The following NPSR1 variants were observed in gnomAD, a reference collection of about 807,000 sequenced individuals.
NPSR1 encodes the protein neuropeptide S receptor 1.
In NPSR1, 48 loss-of-function variants were observed where a neutral mutation model predicts 46.9. That is an observed-to-expected ratio of 1.02 (90% CI 0.81 to 1.30). The LOEUF is 1.30. Among genes scored for constraint, NPSR1 ranks in the 50% most tolerant of loss-of-function variants. The probability of loss-of-function intolerance (pLI) is 0.00; values close to 1 mark genes in which losing one functional copy is unlikely to be tolerated. For missense variants in NPSR1, 450 were observed against 449.5 expected (o/e 1.00, Z -0.01); for synonymous variants, 176 against 168.1 (o/e 1.05, Z -0.36).
At chr7:34,705,342 G>A (rs922959660) in intron 2 of NPSR1, among the ~76,000 whole-genome samples, 4 of 151,308 alleles carry the variant, frequency 2.6e-5, no homozygotes, top group South Asian at 2.1e-4. Context: ...TGGGAGGATC[G>A]CTTGAATCCA....
intron 3 of NPSR1, among the ~76,000 whole-genome samples, chr7:34,803,208 C>G (rs1788509617): frequency 6.6e-6 from 1 of 151,818 alleles, no homozygotes; most frequent in Non-Finnish European, 1.5e-5. Flanking sequence ...CCAGCCATCC[C>G]ATTACTGGGT....
intron 6 of NPSR1, among the ~76,000 whole-genome samples, chr7:34,837,542 G>A (rs961815268): frequency 2.4e-4 from 36 of 152,092 alleles, no homozygotes; most frequent in Admixed American, 5.9e-4. Flanking sequence ...CCCATTTCCC[G>A]TTTGAGAATA....
chr7:34,751,503 A>C, intron 2 of NPSR1: 1 of 1,433,658 alleles, frequency 7.0e-7, no homozygotes, highest in Non-Finnish European at 9.9e-7. Flanking sequence ...CTGCTGCCCC[A>C]ACCAGCCCCA....
At chr7:34,745,798 G>C (rs1785176462) in intron 2 of NPSR1, among the ~76,000 whole-genome samples, 1 of 152,190 alleles carries the variant, frequency 6.6e-6, no homozygotes, top group African/African-American at 2.4e-5. Context: ...ACAGGTGTGA[G>C]CCACCATCTC....
At chr7:34,870,380 G>C (rs34759645) in intron 8 of NPSR1, among the ~76,000 whole-genome samples, 9,713 of 151,604 alleles carry the variant, frequency 0.064, 220 homozygotes, top group Middle Eastern at 0.2. Flanking sequence ...GAAAAAATAT[G>C]TATCTTATTT....
At chr7:34,663,162 T>A (rs1025507951) in intron 1 of NPSR1, among the ~76,000 whole-genome samples, 5 of 151,564 alleles carry the variant, frequency 3.3e-5, no homozygotes, top group African/African-American at 1.2e-4. Flanking sequence ...CTGAGCAAGT[T>A]GGCATCAGCT....
chr7:34,849,524 T>C, intron 8 of NPSR1, 41 bp from the exon 9 acceptor site: 1 of 1,611,530 alleles, frequency 6.2e-7, no homozygotes. Context: ...TTTCATTAGG[T>C]CAAATTATTT....
intron 2 of NPSR1, chr7:34,751,511 C>T (rs1785525151): frequency 6.8e-7 from 1 of 1,475,962 alleles, no homozygotes; most frequent in Non-Finnish European, 9.5e-7. Flanking sequence ...CCAACCAGCC[C>T]CAGCTCCTCC....
rs760528284 is a variant in NPSR1, at chr7:34,834,509, A to C, written c.757+49A>C. On this transcript the variant is annotated intron_variant, in intron 6 of 8. Transcript: ENST00000360581. ...CAATTCTTGGCTAATTTGCTTCTCC[A>C]GAGGTTTTCTTCTAGCAAATGTGAG... 6.8e-6 allele frequency: 9 copies of C among 1,328,566 alleles called. No homozygotes were observed. In the East Asian group the frequency reaches 2.1e-4, roughly 31 times the overall value. The allele number at this position is 1,328,566 out of a possible 1,614,324, so 82.3% of individuals were successfully genotyped here.
At chr7:34,862,857 T>C (rs1411967265) in intron 8 of NPSR1, among the ~76,000 whole-genome samples, 1 of 151,746 alleles carries the variant, frequency 6.6e-6, no homozygotes, top group Non-Finnish European at 1.5e-5. Flanking sequence ...CTCAAAACTA[T>C]CTAGTTTGGG....
chr7:34,835,221 C>T (rs1453349113), intron 6 of NPSR1, among the ~76,000 whole-genome samples: 1 of 152,220 alleles, frequency 6.6e-6, no homozygotes, highest in Non-Finnish European at 1.5e-5. Flanking sequence ...TCAGCTTCCA[C>T]ACCCCTCCCA....
chr7:34,810,475 TG>T (rs1483048664), intron 3 of NPSR1, among the ~76,000 whole-genome samples: 3 of 152,032 alleles, frequency 2.0e-5, no homozygotes, highest in African/African-American at 7.2e-5. Context: ...AAAGAGACAG[TG>T]GGAAGGAAGA....
Position 34,811,784 on chromosome 7 carries a change from C to T in NPSR1, c.399C>T (p.Tyr133=), listed in dbSNP as rs143552245. 1.2e-4 allele frequency: 191 copies of T among 1,611,966 alleles called. No individual in the cohort carries two copies. Among genetic ancestry groups the T allele is most frequent in the African/African-American group, 8.5e-4 (64 of 74,948 alleles). ...VVRYLQVVLL[Y]ASTYVLVSLS... is the part of the protein sequence containing the mutation. ...TCTGTCTTTAGGTTGTGCTGCTCTA[C>T]GCCTCTACCTACGTCCTGGTGTCCC... Residue 133 remains tyrosine, a synonymous_variant, in exon 4 of 9, where the codon TAC becomes TAT. Transcript: ENST00000360581.
intron 3 of NPSR1, among the ~76,000 whole-genome samples, chr7:34,798,056 T>G (rs963818136): frequency 1.3e-5 from 2 of 152,018 alleles, no homozygotes; most frequent in Non-Finnish European, 2.9e-5. Context: ...GGGAAAATGA[T>G]AAAATAATAA....
chr7:34,755,708 T>A (rs993526771), intron 2 of NPSR1, among the ~76,000 whole-genome samples: 6 of 152,170 alleles, frequency 3.9e-5, no homozygotes, highest in East Asian at 1.9e-4. Flanking sequence ...TTACTTTTTT[T>A]AAATGTCCTA....
chr7:34,731,255 C>G (rs1367361429), intron 2 of NPSR1, among the ~76,000 whole-genome samples: 1 of 151,932 alleles, frequency 6.6e-6, no homozygotes, highest in African/African-American at 2.4e-5. Flanking sequence ...AAGATAAATA[C>G]TTAATACAAG....
chr7:34,860,177 A>T (rs1338418649), intron 8 of NPSR1, among the ~76,000 whole-genome samples: 2 of 151,634 alleles, frequency 1.3e-5, no homozygotes, highest in Admixed American at 6.6e-5. Context: ...CCATGTGTTG[A>T]TGTGATGTCT....
chr7:34,863,139 C>T (rs1372384098), intron 8 of NPSR1, among the ~76,000 whole-genome samples: 1 of 151,730 alleles, frequency 6.6e-6, no homozygotes, highest in Non-Finnish European at 1.5e-5. Flanking sequence ...GAAAAGATTC[C>T]CTATTTAATA....
intron 8 of NPSR1, among the ~76,000 whole-genome samples, chr7:34,855,824 C>G (rs1421286168): frequency 1.3e-5 from 2 of 152,078 alleles, no homozygotes; most frequent in South Asian, 4.1e-4. Flanking sequence ...TGTGACAAAA[C>G]TGGTTTCATT....
Sources: allele counts gnomAD v4.1 joint callset (sites outside exome capture counted in the v4.1 genomes callset), GRCh38; gene constraint gnomAD v4.1.1; transcripts MANE v1.5; gene names NCBI Gene and HGNC (gene_info 2026-07-23, HGNC 2026-07-21).